SAFB: variants seen among roughly 807,000 people sequenced by gnomAD.
The protein encoded by SAFB is scaffold attachment factor B.
SAFB carries 15 observed loss-of-function variants against 101.6 expected under a neutral mutation model. That is an observed-to-expected ratio of 0.15 (90% CI 0.10 to 0.23). The LOEUF (loss-of-function observed/expected upper bound fraction) is 0.23, where lower values mean the gene tolerates loss of function less well. Ranked by LOEUF, SAFB falls within the 10% of genes least tolerant of loss-of-function variation. The probability of loss-of-function intolerance (pLI) is 1.00; values close to 1 mark genes in which losing one functional copy is unlikely to be tolerated. For missense variants in SAFB, 930 were observed against 1,104.1 expected, an observed-to-expected ratio of 0.84 and a Z score of 2.23; for synonymous variants, 449 against 407.5, an observed-to-expected ratio of 1.10 and a Z score of -1.23.
At chr19:5,632,794 A>G (rs576108605) in intron 2 of SAFB, among the ~76,000 whole-genome samples, 13 of 152,248 alleles carry the variant, frequency 8.5e-5, no homozygotes, top group Non-Finnish European at 1.5e-4. Context: ...CCAGAGTGCA[A>G]TGGTGCAATT....
At chr19:5,655,571 G>GTT (rs2054040834) in intron 13 of SAFB, among the ~76,000 whole-genome samples, 1 of 151,762 alleles carries the variant, frequency 6.6e-6, no homozygotes, top group Non-Finnish European at 1.5e-5. Flanking sequence ...CAACTTCCCA[G>GTT]TTGCCAGCCA....
rs541743372 is a variant in SAFB, at chr19:5,643,842, G to A, written c.547-1495G>A. On this transcript the variant is annotated intron_variant, in intron 4 of 20. Coordinates refer to ENST00000588852, the MANE Select transcript of SAFB (RefSeq NM_001201338.2). Reference sequence around the variant, plus strand: ...TGTGCCACTGCACTCCAGCCTGGGCGGCAGAGTGAGACTCTCAAAAAAAAA... The same window carrying A: ...TGTGCCACTGCACTCCAGCCTGGGCAGCAGAGTGAGACTCTCAAAAAAAAA... Among the ~76,000 whole-genome samples the A allele has an allele frequency of 5.9e-4, 88 of 149,544 alleles. 1 individual carries two copies. The highest frequency in any genetic ancestry group is 2.6e-3 in the Admixed American group (38 of 14,874).
chr19:5,630,342 C>T (rs1057348356), intron 2 of SAFB, among the ~76,000 whole-genome samples: 3 of 152,168 alleles, frequency 2.0e-5, no homozygotes, highest in South Asian at 4.1e-4. Context: ...GTTATAAAGA[C>T]TCATATAAAA....
intron 13 of SAFB, among the ~76,000 whole-genome samples, chr19:5,656,361 T>C (rs1336446792): frequency 6.6e-6 from 1 of 152,080 alleles, no homozygotes; most frequent in Non-Finnish European, 1.5e-5. Context: ...AACCTCCACC[T>C]CCCGGGGGTT....
intron 15 of SAFB, 48 bp downstream of exon 15, chr19:5,661,856 T>C: frequency 2.3e-6 from 3 of 1,331,850 alleles, no homozygotes; most frequent in African/African-American, 1.5e-5. Context: ...AGAATCGTGT[T>C]AGGGACCTCA....
chr19:5,647,295 C>G (rs930264847), intron 5 of SAFB, among the ~76,000 whole-genome samples: 1 of 152,108 alleles, frequency 6.6e-6, no homozygotes, highest in African/African-American at 2.4e-5. Flanking sequence ...CTGGGCCTGT[C>G]AGGGAGGGAG....
rs772227517 is a variant in SAFB, at chr19:5,641,874, G to A, written c.474G>A (p.Glu158=). The change falls in exon 4 of 21, where the codon GAG becomes GAA. Residue 158 remains glutamate (E), a synonymous_variant. Transcript: ENST00000588852. ...VEDDDADNLQ[E]SLSDSRELVE... ...ACGATGATGCTGATAACCTCCAGGA[G>A]TCCCTGTCGGATAGTAGAGAGCTAG... is the stretch of plus-strand genomic sequence containing the variant. The A allele has an allele frequency of 3.1e-6, 5 of 1,614,072 alleles. No homozygotes were observed. The African/African-American group carries it at 6.7e-5, about 22-fold the overall frequency.
Position 5,626,484 on chromosome 19 carries a change from G to A in SAFB, c.269G>A (p.Ser90Asn). 6.3e-7 allele frequency: 1 copy of A among 1,587,178 alleles called. No homozygotes were observed. Among genetic ancestry groups the A allele is most frequent in the Non-Finnish European group, 8.7e-7 (1 of 1,155,686 alleles). The change falls in exon 2 of 21, where the codon AGC (serine) becomes AAC (asparagine). Residue 90 changes from serine to asparagine, a missense_variant. Coordinates refer to ENST00000588852, the MANE Select transcript of SAFB (RefSeq NM_001201338.2). ...AACAAGAAAACATCAAAGAGGTCTA[G>A]CAAAGGTATGGAGGATTTCATAAGC... ...EGNKKTSKRS[S>N]KGRKPEEEGV...
At chr19:5,668,113 CG>C in intron 20 of SAFB, 48 bp from the exon 21 acceptor site, 6 of 1,590,796 alleles carry the variant, frequency 3.8e-6, no homozygotes, top group Non-Finnish European at 5.1e-6. Context: ...TGGGATGGGC[CG>C]GGGAGCAGGA....
rs199733512 is a variant in SAFB, at chr19:5,668,247, C to T, written c.2710C>T (p.Arg904Trp). Residue 904 changes from arginine (R) to tryptophan (W), a missense_variant, in exon 21 of 21, where the codon CGG (arginine) becomes TGG (tryptophan). Physicochemically the swap from Arg to Trp is moderately radical, Grantham distance 101. Transcript: ENST00000588852. Reference sequence around the variant, plus strand: ...GCAGGGCGGGTTTGGAGGCCAGAGCCGGGGGAGCAGGCCCAGCGATGCCCG... The same window carrying T: ...GCAGGGCGGGTTTGGAGGCCAGAGCTGGGGGAGCAGGCCCAGCGATGCCCG... ...GMQGGFGGQS[R>W]GSRPSDARFT... is the part of the protein sequence containing the mutation. 14 of 1,611,364 alleles carry T rather than the reference C, an allele frequency of 8.7e-6. No homozygotes were observed. Among genetic ancestry groups the T allele is most frequent in the Admixed American group, 1.7e-5 (1 of 59,406 alleles).
intron 8 of SAFB, 74 bp from the exon 9 acceptor site, chr19:5,650,902 CTT>C (rs1379766574): frequency 6.2e-6 from 6 of 973,266 alleles, no homozygotes; most frequent in African/African-American, 1.6e-5. Context: ...AACCATGTCT[CTT>C]TTGGAAAGGT....
chr19:5,667,354 C>A lies in SAFB; in HGVS notation c.2461C>A (p.Arg821Ser). 6.7e-7 allele frequency: 1 copy of A among 1,496,682 alleles called. No homozygotes were observed. Among genetic ancestry groups the A allele is most frequent in the Non-Finnish European group, 8.9e-7 (1 of 1,125,468 alleles). The allele number at this position is 1,496,682 out of a possible 1,614,324, so 92.7% of individuals were successfully genotyped here. ...RGLPPPPRGR[R>S]DWGDHGRRED... is the part of the protein sequence containing the mutation. ...AGATGTCTCTCTTTCAAGGGGCAGA[C>A]GTGACTGGGGGGACCATGGCCGAAG... The change falls in exon 19 of 21, where the codon CGT (arginine) becomes AGT (serine). Residue 821 changes from arginine to serine, a missense_variant. By Grantham distance (110) the Arg-to-Ser change is moderately radical. This residue lies in a region of SAFB where 318 missense variants were observed against 342.6 expected (regional missense o/e 0.93). Transcript: ENST00000588852. The surrounding 1 kb of genome is among the most constrained non-coding windows in gnomAD (Gnocchi z 4.0).
At chr19:5,664,503 C>T (rs1031638383) in intron 17 of SAFB, 64 bp downstream of exon 17, 83 of 1,271,550 alleles carry the variant, frequency 6.5e-5, no homozygotes, top group Admixed American at 3.2e-4. Context: ...TTCCCTTCAG[C>T]GTGCCTTCTT....
intron 14 of SAFB, among the ~76,000 whole-genome samples, chr19:5,659,048 A>G (rs996036468): frequency 6.6e-6 from 1 of 151,964 alleles, no homozygotes; most frequent in Non-Finnish European, 1.5e-5. Flanking sequence ...GGGCTGAGGC[A>G]GGAGAATCAC....
chr19:5,625,378 C>G (rs1235260115), intron 1 of SAFB, among the ~76,000 whole-genome samples: 2 of 152,198 alleles, frequency 1.3e-5, no homozygotes, highest in Non-Finnish European at 2.9e-5. Context: ...CAGGAAAGAA[C>G]TTCAGTCCCT....
In SAFB at chr19:5,667,987, C is replaced by T; in HGVS notation, c.2624+101C>T. 5 of 1,439,570 alleles carry T rather than the reference C, an allele frequency of 3.5e-6. No individual in the cohort carries two copies. The highest frequency in any genetic ancestry group is 4.7e-6 in the Non-Finnish European group (5 of 1,061,056). The allele number at this position is 1,439,570 out of a possible 1,614,324, so 89.2% of individuals were successfully genotyped here. A position where few individuals can be genotyped will look rare whatever the true frequency, so the allele number is the denominator to read the frequency against. On this transcript the variant is annotated intron_variant, in intron 20 of 20. Transcript: ENST00000588852. This position sits in a 1 kb window ranked among gnomAD's most constrained non-coding sequence, Gnocchi z 4.0. ...AGTCCTTCCAGCTAGTGCCCCTCCC[C>T]CCAAGGGTGACGTGAGGCCAGGCAT...
In SAFB at chr19:5,653,168, C is replaced by T. The variant is rs372766228; in HGVS notation, c.1347C>T (p.Tyr449=). 1.1e-4 allele frequency: 175 copies of T among 1,613,962 alleles called. No individual in the cohort carries two copies. Among genetic ancestry groups the T allele is most frequent in the Non-Finnish European group, 1.3e-4 (158 of 1,180,022 alleles). Residue 449 remains tyrosine (Y), a synonymous_variant, in exon 10 of 21, where the codon TAC becomes TAT. Coordinates refer to ENST00000588852, the MANE Select transcript of SAFB (RefSeq NM_001201338.2). ...TNARSPGARC[Y]GFVTMSTAEE... ...CCCGGAGTCCTGGAGCTCGCTGTTA[C>T]GGTTTTGTCACGATGTCCACAGCAG...
At chr19:5,665,503 T>C (rs2054308859) in intron 17 of SAFB, 1 of 151,632 alleles carries the variant, frequency 6.6e-6, no homozygotes. Flanking sequence ...CCAGCTACTT[T>C]TTTTTTTTTT....
In SAFB at chr19:5,661,793, C is replaced by A. The variant is rs530046520; in HGVS notation, c.2138C>A (p.Pro713His). 6.4e-7 allele frequency: 1 copy of A among 1,550,888 alleles called. No homozygotes were observed. The highest frequency in any genetic ancestry group is 1.2e-5 in the South Asian group (1 of 84,290). The change falls in exon 15 of 21, where the codon CCC becomes CAC. Residue 713 changes from proline (P) to histidine (H), a missense_variant. Around this residue, in one of 7 missense-constraint regions of SAFB, gnomAD observed 318 missense variants for 342.6 expected, o/e 0.93. Coordinates refer to ENST00000588852, the MANE Select transcript of SAFB (RefSeq NM_001201338.2). ...GAGCGGCGGCCCGCGGTGCGGCGGC[C>A]CTACGACCTGGACCGGTAAGCAGAT... is the stretch of plus-strand genomic sequence containing the variant. ...EQERRPAVRR[P>H]YDLDRRDDAY...
Sources: gnomAD v4.1 joint callset for allele counts (sites outside exome capture counted in the v4.1 genomes callset) on GRCh38, gnomAD v4.1.1 for gene constraint, gnomAD v4.1.1 regional missense constraint, Gnocchi (gnomAD v3.1) non-coding constraint, MANE v1.5 for transcripts, NCBI Gene and HGNC (gene_info 2026-07-23, HGNC 2026-07-21) for gene names.